LTBP2: variants seen among roughly 807,000 people sequenced by gnomAD.
LTBP2 encodes latent transforming growth factor beta binding protein 2, also known as latent-transforming growth factor beta-binding protein 2.
In LTBP2, 103 loss-of-function variants were observed where a neutral mutation model predicts 210.6. That is an observed-to-expected ratio of 0.49 (90% CI 0.42 to 0.58). The LOEUF (loss-of-function observed/expected upper bound fraction) is 0.58. LTBP2 is among the 20% of genes least tolerant of loss of function. The pLI, the probability that LTBP2 is intolerant of heterozygous loss-of-function variation, is 0.00. For missense variants in LTBP2, 2,313 were observed against 2,494.5 expected, an observed-to-expected ratio of 0.93 and a Z score of 1.55; for synonymous variants, 1,007 against 1,015.0, an observed-to-expected ratio of 0.99 and a Z score of 0.15.
chr14:74,528,474 C>G lies in LTBP2; in HGVS notation c.2368+9G>C. On this transcript the variant is annotated intron_variant, in intron 12 of 35. Coordinates refer to ENST00000261978, the MANE Select transcript of LTBP2 (RefSeq NM_000428.3). The stretch of plus-strand genomic sequence containing the variant: ...AAAATCCCTCAGGCATCTCCCCCAG[C>G]TCAGATACCCTTGTCAGGGATGGTC... 6.2e-7 allele frequency: 1 copy of G among 1,611,748 alleles called. No individual in the cohort carries two copies.
At position 74,586,252 on chromosome 14, in the gene LTBP2, C is replaced by T; in HGVS notation, c.566-134G>A. 4 of 976,158 alleles carry T rather than the reference C, an allele frequency of 4.1e-6. No individual in the cohort carries two copies. Among genetic ancestry groups the T allele is most frequent in the Non-Finnish European group, 6.0e-6 (4 of 664,652 alleles). The allele number at this position is 976,158 out of a possible 1,614,324, so 60.5% of individuals were successfully genotyped here. Reference sequence around the variant, plus strand: ...TCAAGCAGGAAGCCACTCTCCTGGCCTCAGGGGGCTCCCTGACCCATGTCT... The same window carrying T: ...TCAAGCAGGAAGCCACTCTCCTGGCTTCAGGGGGCTCCCTGACCCATGTCT... On this transcript the variant is annotated intron_variant, in intron 2 of 35. Coordinates refer to ENST00000261978, the MANE Select transcript of LTBP2 (RefSeq NM_000428.3). This position sits in a 1 kb window ranked among gnomAD's most constrained non-coding sequence, Gnocchi z 4.6.
chr14:74,528,504 C>T lies in LTBP2; in HGVS notation c.2347G>A (p.Ala783Thr). The change falls in exon 12 of 36, where the codon GCC becomes ACC. Residue 783 changes from alanine to threonine, a missense_variant. By Grantham distance (58) the Ala-to-Thr change is moderately conservative (BLOSUM62 0). Coordinates refer to ENST00000261978, the MANE Select transcript of LTBP2 (RefSeq NM_000428.3). ...LRVVTDTWLE[A>T]GTIPDKGDSQ... ...ATACCCTTGTCAGGGATGGTCCCGGCCTCAAGCCAGGTGTCCGTGACGACC... is the reference window on the plus strand; with the variant it reads ...ATACCCTTGTCAGGGATGGTCCCGGTCTCAAGCCAGGTGTCCGTGACGACC... 5.6e-6 allele frequency: 9 copies of T among 1,612,074 alleles called. No individual in the cohort carries two copies. The highest frequency in any genetic ancestry group is 6.8e-6 in the Non-Finnish European group (8 of 1,180,028).
intron 2 of LTBP2, among the ~76,000 whole-genome samples, chr14:74,595,593 G>A (rs1010436864): frequency 5.3e-5 from 8 of 152,280 alleles, no homozygotes; most frequent in African/African-American, 1.7e-4. Context: ...TCCCACAGCA[G>A]CACCAGCCCC....
chr14:74,502,596 A>T, intron 34 of LTBP2, 57 bp downstream of exon 34: 1 of 1,610,060 alleles, frequency 6.2e-7, no homozygotes. Flanking sequence ...GGTGGAGGAG[A>T]TGGAAGTGAA....
chr14:74,508,276 G>A (rs12886109), intron 24 of LTBP2, among the ~76,000 whole-genome samples, 181 bp from the exon 25 acceptor site: 1 of 152,102 alleles, frequency 6.6e-6, no homozygotes, highest in African/African-American at 2.4e-5. Context: ...GGTGAGGGGT[G>A]AGGTGGGGTC....
At chr14:74,607,350 T>G (rs1368432606) in intron 1 of LTBP2, among the ~76,000 whole-genome samples, 4 of 152,220 alleles carry the variant, frequency 2.6e-5, no homozygotes, top group Non-Finnish European at 5.9e-5. Context: ...ATTTCAATTT[T>G]CCTACAGTTA....
intron 10 of LTBP2, among the ~76,000 whole-genome samples, chr14:74,532,225 G>A (rs2087358810): frequency 6.6e-6 from 1 of 152,248 alleles, no homozygotes; most frequent in Admixed American, 6.5e-5. Flanking sequence ...AAGTGAAGTA[G>A]TAACCATCTC....
chr14:74,569,761 A>G (rs183520967), intron 3 of LTBP2, among the ~76,000 whole-genome samples: 1 of 152,298 alleles, frequency 6.6e-6, no homozygotes, highest in Admixed American at 6.5e-5. Context: ...ATGACCTTAT[A>G]AAGGTCCCCT....
intron 15 of LTBP2, among the ~76,000 whole-genome samples, chr14:74,524,628 C>T (rs1449016025): frequency 6.6e-6 from 1 of 152,170 alleles, no homozygotes; most frequent in Non-Finnish European, 1.5e-5. Flanking sequence ...GCCCCCATCA[C>T]TGTAGCTGAC....
At chr14:74,584,697 T>C (rs1595292489) in intron 3 of LTBP2, among the ~76,000 whole-genome samples, 1 of 152,258 alleles carries the variant, frequency 6.6e-6, no homozygotes, top group East Asian at 1.9e-4. Context: ...CCCTAGGCCC[T>C]TGACCTGAGT....
chr14:74,533,261 T>A (rs1595258525), intron 9 of LTBP2, among the ~76,000 whole-genome samples: 1 of 152,378 alleles, frequency 6.6e-6, no homozygotes, highest in East Asian at 1.9e-4. Context: ...CCACATGTCC[T>A]CATTTTACAG....
At chr14:74,509,508 C>A in intron 21 of LTBP2, 145 bp from the exon 22 acceptor site, 1 of 1,259,036 alleles carries the variant, frequency 7.9e-7, no homozygotes, top group Non-Finnish European at 1.1e-6. Flanking sequence ...CAGCCCTGCC[C>A]TCAGCTTCCC....
intron 3 of LTBP2, among the ~76,000 whole-genome samples, chr14:74,580,062 G>A (rs2088116880): frequency 6.6e-6 from 1 of 152,214 alleles, no homozygotes; most frequent in Non-Finnish European, 1.5e-5. Context: ...CTTGGGGTAA[G>A]AAGAAGAAGA....
chr14:74,539,198 T>G (rs1295535611), intron 8 of LTBP2, among the ~76,000 whole-genome samples: 1 of 152,212 alleles, frequency 6.6e-6, no homozygotes, highest in Non-Finnish European at 1.5e-5. Context: ...CATCCCCATT[T>G]TACAGATTAG....
At chr14:74,568,261 C>T (rs995006952) in intron 3 of LTBP2, among the ~76,000 whole-genome samples, 7 of 152,288 alleles carry the variant, frequency 4.6e-5, no homozygotes, top group African/African-American at 9.6e-5. Context: ...ACAGCAGCCC[C>T]GGGCCAGCCC....
Position 74,509,479 on chromosome 14 carries a change from C to A in LTBP2, c.3278-116G>T, listed in dbSNP as rs1230251940. 9.6e-6 allele frequency: 14 copies of A among 1,451,772 alleles called. 1 individual carries two copies. The South Asian group carries it at 1.4e-4, about 15-fold the overall frequency. 89.9% of individuals were successfully genotyped at this position (1,451,772 alleles called of 1,614,324 possible). On this transcript the variant is annotated intron_variant, in intron 21 of 35. Coordinates refer to ENST00000261978, the MANE Select transcript of LTBP2 (RefSeq NM_000428.3). ...CCCTGGGGCTTTCCTAAAACCCCCT[C>A]CCTAGAACGCTCCCAGGACAGCCCT... is the stretch of plus-strand genomic sequence containing the variant.
intron 30 of LTBP2, 83 bp from the exon 31 acceptor site, chr14:74,504,137 G>A: frequency 6.4e-7 from 1 of 1,557,296 alleles, no homozygotes; most frequent in East Asian, 2.3e-5. Flanking sequence ...AGCCAGGCTG[G>A]GTTTGAATCC....
At position 74,499,985 on chromosome 14, in the gene LTBP2, C is replaced by G; in HGVS notation, c.*899G>C. 1 of 231,414 alleles carries G rather than the reference C, an allele frequency of 4.3e-6. No homozygotes were observed. The highest frequency in any genetic ancestry group is 6.1e-5 in the East Asian group (1 of 16,378). 14.3% of individuals were successfully genotyped at this position (231,414 alleles called of 1,614,324 possible). ...TTTTAGCACATCAAACTGGTTTTCACAAAAGGAGATCCCAGAAGAGGTTTG... is the reference window on the plus strand; with the variant it reads ...TTTTAGCACATCAAACTGGTTTTCAGAAAAGGAGATCCCAGAAGAGGTTTG... On this transcript the variant is annotated 3_prime_UTR_variant, in exon 36 of 36. Transcript: ENST00000261978.
chr14:74,509,384 C>G (rs764239566), intron 21 of LTBP2, 21 bp from the exon 22 acceptor site: 2 of 1,612,910 alleles, frequency 1.2e-6, no homozygotes, highest in South Asian at 2.2e-5. Context: ...ACAGCGCTCG[C>G]CCGGGGACCT....
Sources: gnomAD v4.1 joint callset for allele counts (sites outside exome capture counted in the v4.1 genomes callset) on GRCh38, gnomAD v4.1.1 for gene constraint, Gnocchi (gnomAD v3.1) non-coding constraint, MANE v1.5 for transcripts, NCBI Gene and HGNC (gene_info 2026-07-23, HGNC 2026-07-21) for gene names.